The following ACOXL variants were observed in gnomAD, a reference collection of about 807,000 sequenced individuals.
ACOXL encodes the protein acyl-coenzyme A oxidase-like protein.
ACOXL carries 70 observed loss-of-function variants against 71.9 expected under a neutral mutation model. The ratio of observed to expected loss-of-function variants is 0.97; its 90% CI spans 0.80 to 1.19. The LOEUF is 1.19. Among genes scored for constraint, ACOXL ranks in the 50% most tolerant of loss-of-function variants. The pLI is 0.00. For missense variants in ACOXL, 703 were observed against 736.3 expected (o/e 0.95, Z 0.52); for synonymous variants, 253 against 281.6 (o/e 0.90, Z 1.02).
At chr2:111,091,954 A>G (rs1444192682) in intron 16 of ACOXL, among the ~76,000 whole-genome samples, 2 of 152,218 alleles carry the variant, frequency 1.3e-5, no homozygotes, top group Non-Finnish European at 2.9e-5. Context: ...ATAGAAGGCA[A>G]ATTGTCTTCT....
intron 1 of ACOXL, among the ~76,000 whole-genome samples, chr2:110,740,201 A>G (rs892823776): frequency 6.6e-6 from 1 of 152,252 alleles, no homozygotes; most frequent in Admixed American, 6.5e-5. Context: ...GATGGGACAG[A>G]GGTATCTGCA....
intron 1 of ACOXL, among the ~76,000 whole-genome samples, chr2:110,763,876 G>C (rs746569113): frequency 6.6e-6 from 1 of 152,084 alleles, no homozygotes; most frequent in Non-Finnish European, 1.5e-5. Flanking sequence ...ATCAAAAAAT[G>C]GGCCAAAGAC....
chr2:110,805,586 T>A (rs1221882545), intron 9 of ACOXL, among the ~76,000 whole-genome samples, 191 bp downstream of exon 9: 2 of 151,770 alleles, frequency 1.3e-5, no homozygotes, highest in African/African-American at 4.8e-5. Flanking sequence ...TAAGAGGGGC[T>A]CCCACCCATC....
chr2:110,770,881 C>T (rs1681825550), intron 2 of ACOXL, among the ~76,000 whole-genome samples: 1 of 152,226 alleles, frequency 6.6e-6, no homozygotes, highest in African/African-American at 2.4e-5. Flanking sequence ...CTTAATGAGG[C>T]TTGCTAATTG....
intron 2 of ACOXL, among the ~76,000 whole-genome samples, chr2:110,770,738 G>A (rs575103725): frequency 6.6e-6 from 1 of 152,322 alleles, no homozygotes; most frequent in East Asian, 1.9e-4. Context: ...TCGCCTCCAA[G>A]TGCGTTCGGC....
At chr2:110,886,792 T>C in intron 10 of ACOXL, 1 of 1,551,070 alleles carries the variant, frequency 6.4e-7, no homozygotes, top group African/African-American at 1.4e-5. Context: ...TCCAGAATCA[T>C]CTCCCAGAAC....
intron 10 of ACOXL, among the ~76,000 whole-genome samples, chr2:110,879,319 C>T (rs1696328287): frequency 1.3e-5 from 2 of 152,270 alleles, no homozygotes; most frequent in South Asian, 4.1e-4. Context: ...GACTGAGAGG[C>T]TGTCTTCAGC....
chr2:110,880,153 C>CAAAAAAA (rs56852121), intron 10 of ACOXL, among the ~76,000 whole-genome samples: 95 of 84,648 alleles, frequency 1.1e-3, no homozygotes, highest in Non-Finnish European at 1.3e-3. Flanking sequence ...CTGTCACAAA[C>CAAAAAAA]AAAAAAAAAA....
intron 16 of ACOXL, among the ~76,000 whole-genome samples, chr2:111,071,185 A>T (rs2067323429): frequency 6.6e-6 from 1 of 152,134 alleles, no homozygotes; most frequent in South Asian, 2.1e-4. Context: ...ATCTCCAAGC[A>T]GTTTGGAAGG....
intron 10 of ACOXL, among the ~76,000 whole-genome samples, chr2:110,890,650 A>G (rs927744419): frequency 4.6e-5 from 7 of 152,190 alleles, no homozygotes; most frequent in African/African-American, 1.4e-4. Flanking sequence ...TAGACTCTCA[A>G]TTCTATTCCA....
At chr2:110,895,664 C>CT (rs2058978171) in intron 10 of ACOXL, among the ~76,000 whole-genome samples, 2 of 120,308 alleles carry the variant, frequency 1.7e-5, no homozygotes, top group Middle Eastern at 4.3e-3. Flanking sequence ...ATCTTGAAAA[C>CT]AATAGAGAGA....
chr2:110,901,414 A>G (rs1301241299), intron 10 of ACOXL, among the ~76,000 whole-genome samples: 3 of 152,046 alleles, frequency 2.0e-5, no homozygotes. Flanking sequence ...AAAAATTGCC[A>G]TTGTCATTGA....
At chr2:110,874,463 G>C (rs927356488) in intron 10 of ACOXL, among the ~76,000 whole-genome samples, 1 of 152,172 alleles carries the variant, frequency 6.6e-6, no homozygotes, top group Non-Finnish European at 1.5e-5. Flanking sequence ...CCTGGGAAGC[G>C]GAATGAGCAG....
At chr2:110,812,393 A>T (rs1162800928) in intron 9 of ACOXL, among the ~76,000 whole-genome samples, 2 of 152,178 alleles carry the variant, frequency 1.3e-5, no homozygotes, top group Non-Finnish European at 2.9e-5. Flanking sequence ...GGTTTGTTGT[A>T]CAGATTATTT....
chr2:111,025,256 C>T (rs61092429), intron 14 of ACOXL, among the ~76,000 whole-genome samples: 46,054 of 152,104 alleles, frequency 0.3, 7,336 homozygotes, highest in Non-Finnish European at 0.34. Context: ...CACTGCTTCC[C>T]GTGTTGGCTA....
At chr2:110,949,852 A>G (rs2061257312) in intron 12 of ACOXL, among the ~76,000 whole-genome samples, 2 of 152,122 alleles carry the variant, frequency 1.3e-5, no homozygotes, top group African/African-American at 4.8e-5. Flanking sequence ...GACAGAGGCA[A>G]AGGTTCTACA....
intron 12 of ACOXL, among the ~76,000 whole-genome samples, chr2:110,967,552 A>C (rs986392775): frequency 6.6e-6 from 1 of 152,266 alleles, no homozygotes; most frequent in African/African-American, 2.4e-5. Context: ...GTGGTAAAAC[A>C]TTAATATCAC....
At chr2:110,915,402 A>G (rs1463969884) in intron 11 of ACOXL, among the ~76,000 whole-genome samples, 4 of 124,324 alleles carry the variant, frequency 3.2e-5, no homozygotes, top group African/African-American at 1.2e-4. Context: ...GTGTGTGTGT[A>G]TATACATATA....
chr2:110,864,368 C>G (rs1332797041), intron 10 of ACOXL, among the ~76,000 whole-genome samples: 1 of 152,168 alleles, frequency 6.6e-6, no homozygotes, highest in East Asian at 1.9e-4. Flanking sequence ...ACCAGGGGCT[C>G]TCCATCCACA....
Sources: gnomAD v4.1 joint callset for allele counts (sites outside exome capture counted in the v4.1 genomes callset) on GRCh38, gnomAD v4.1.1 for gene constraint, MANE v1.5 for transcripts, NCBI Gene and HGNC (gene_info 2026-07-23, HGNC 2026-07-21) for gene names.